RPS6KC1: variants seen among roughly 807,000 people sequenced by gnomAD.
RPS6KC1 encodes ribosomal protein S6 kinase C1, also known as inactive ribosomal protein S6 kinase delta-1.
Under a neutral mutation model 103.8 loss-of-function variants are expected in RPS6KC1, and 54 were observed. The observed-to-expected ratio is 0.52, with a 90% CI of 0.42 to 0.65. The LOEUF (loss-of-function observed/expected upper bound fraction) is 0.65. Among genes scored for constraint, RPS6KC1 ranks in the 30% least tolerant of loss-of-function variants. The pLI is 0.00. For missense variants in RPS6KC1, 1,151 were observed against 1,253.8 expected (o/e 0.92, Z 1.24); for synonymous variants, 439 against 438.7 (o/e 1.00, Z -0.01).
Position 213,129,758 on chromosome 1 carries a change from G to A in RPS6KC1, c.704G>A (p.Gly235Asp). 6.2e-7 allele frequency: 1 copy of A among 1,614,072 alleles called. No homozygotes were observed. Among genetic ancestry groups the A allele is most frequent in the Non-Finnish European group, 8.5e-7 (1 of 1,179,986 alleles). Residue 235 changes from glycine (G) to aspartate (D), a missense_variant, in exon 6 of 15, where the codon GGC becomes GAC. Gly to Asp is a moderately conservative substitution (Grantham distance 94). Around this residue, in one of 3 missense-constraint regions of RPS6KC1, gnomAD observed 959 missense variants for 1,006.3 expected, o/e 0.95. Transcript: ENST00000366960. ...LFPGSLKPKL[G>D]KRDYLEKAGE... Reference sequence around the variant, plus strand: ...CCTGGCAGTTTAAAGCCGAAGCTTGGCAAGAGAGATTATTTGGAGAAAGCA... The same window carrying A: ...CCTGGCAGTTTAAAGCCGAAGCTTGACAAGAGAGATTATTTGGAGAAAGCA...
the RPS6KC1 span, among the ~76,000 whole-genome samples, chr1:213,737,514 A>G: frequency 2.0e-5 from 3 of 152,218 alleles, no homozygotes; most frequent in Non-Finnish European, 4.4e-5. Flanking sequence ...TTGAGGTTGA[A>G]AACAGCTTAT....
chr1:213,765,487 G>C, the RPS6KC1 span, among the ~76,000 whole-genome samples: 1 of 152,302 alleles, frequency 6.6e-6, no homozygotes, highest in East Asian at 1.9e-4. Flanking sequence ...GAAACGGTCT[G>C]CTAATGAGTC....
the RPS6KC1 span, among the ~76,000 whole-genome samples, chr1:213,822,827 G>T: frequency 2.0e-5 from 3 of 152,146 alleles, no homozygotes; most frequent in South Asian, 4.1e-4. Context: ...GTTTCCTGGG[G>T]TTGTTTCCTA....
chr1:213,600,613 G>A, the RPS6KC1 span, among the ~76,000 whole-genome samples: 239 of 152,154 alleles, frequency 1.6e-3, 3 homozygotes, highest in East Asian at 0.042. Flanking sequence ...GTTTAGGGAG[G>A]GAGCAAAGCT....
chr1:213,476,115 G>A, the RPS6KC1 span, among the ~76,000 whole-genome samples: 1 of 152,100 alleles, frequency 6.6e-6, no homozygotes, highest in East Asian at 1.9e-4. Flanking sequence ...AGGCCCTCAG[G>A]AAACACCCAG....
At chr1:213,082,889 T>G (rs75625589) in intron 3 of RPS6KC1, among the ~76,000 whole-genome samples, 1,706 of 152,288 alleles carry the variant, frequency 0.011, 38 homozygotes, top group African/African-American at 0.037. Context: ...TTAGAAAGAT[T>G]CAGTCAGACC....
chr1:213,670,219 C>A, the RPS6KC1 span, among the ~76,000 whole-genome samples: 1 of 152,180 alleles, frequency 6.6e-6, no homozygotes, highest in Admixed American at 6.5e-5. Context: ...TATTTCAACT[C>A]ATCTGCCCTT....
the RPS6KC1 span, among the ~76,000 whole-genome samples, chr1:213,801,425 C>T: frequency 6.6e-6 from 1 of 151,644 alleles, no homozygotes; most frequent in Non-Finnish European, 1.5e-5. Flanking sequence ...TACTTGGAGA[C>T]ATGTAAATGT....
the RPS6KC1 span, among the ~76,000 whole-genome samples, chr1:213,718,577 C>T: frequency 1.3e-5 from 2 of 152,216 alleles, no homozygotes; most frequent in Non-Finnish European, 2.9e-5. Flanking sequence ...GAAAGAGACA[C>T]TGGTCGTTGG....
chr1:213,838,408 T>C, the RPS6KC1 span, among the ~76,000 whole-genome samples: 1 of 152,196 alleles, frequency 6.6e-6, no homozygotes, highest in South Asian at 2.1e-4. Context: ...CAGATATGGC[T>C]GGCATGGCCC....
chr1:213,846,695 C>A, the RPS6KC1 span, among the ~76,000 whole-genome samples: 1 of 152,104 alleles, frequency 6.6e-6, no homozygotes, highest in African/African-American at 2.4e-5. Flanking sequence ...ACATATCACT[C>A]ATCTATATCA....
At chr1:213,502,071 G>A in the RPS6KC1 span, among the ~76,000 whole-genome samples, 4 of 152,086 alleles carry the variant, frequency 2.6e-5, no homozygotes, top group African/African-American at 9.7e-5. Flanking sequence ...AAGGCAAACA[G>A]GCAAAATACC....
At chr1:213,519,840 CAA>C in the RPS6KC1 span, among the ~76,000 whole-genome samples, 3 of 152,146 alleles carry the variant, frequency 2.0e-5, no homozygotes, top group Admixed American at 6.5e-5. Context: ...GTGACAATAA[CAA>C]TATCAATTGT....
chr1:213,672,070 G>A, the RPS6KC1 span, among the ~76,000 whole-genome samples: 1 of 152,242 alleles, frequency 6.6e-6, no homozygotes, highest in African/African-American at 2.4e-5. Context: ...TCCAAGGATA[G>A]GTTGTTCCTT....
the RPS6KC1 span, among the ~76,000 whole-genome samples, chr1:213,536,055 CT>C: frequency 1.1e-4 from 17 of 150,416 alleles, no homozygotes; most frequent in South Asian, 2.1e-4. Context: ...ACTATAAACA[CT>C]TTTTTTTTTC....
intron 5 of RPS6KC1, among the ~76,000 whole-genome samples, chr1:213,121,852 G>GC (rs1211146178): frequency 6.6e-6 from 1 of 152,096 alleles, no homozygotes; most frequent in African/African-American, 2.4e-5. Flanking sequence ...TGAATGATCA[G>GC]CTTATTGTAT....
the RPS6KC1 span, among the ~76,000 whole-genome samples, chr1:213,417,615 C>T: frequency 1.3e-5 from 2 of 151,574 alleles, no homozygotes; most frequent in East Asian, 3.9e-4. Context: ...CAGTCAGAAA[C>T]AGCTGCGTTC....
chr1:213,431,756 A>C, the RPS6KC1 span, among the ~76,000 whole-genome samples: 2 of 151,878 alleles, frequency 1.3e-5, no homozygotes, highest in Admixed American at 1.3e-4. Flanking sequence ...TATGAATAAT[A>C]GTGTTATGAA....
chr1:213,639,176 A>G, the RPS6KC1 span, among the ~76,000 whole-genome samples: 1 of 152,090 alleles, frequency 6.6e-6, no homozygotes, highest in Non-Finnish European at 1.5e-5. Context: ...TACAATAGAC[A>G]TTTTTGTATT....
Sources: allele counts gnomAD v4.1 joint callset (sites outside exome capture counted in the v4.1 genomes callset), GRCh38; gene constraint gnomAD v4.1.1; regional missense constraint gnomAD v4.1.1; transcripts MANE v1.5; gene names NCBI Gene and HGNC (gene_info 2026-07-23, HGNC 2026-07-21).